ZNF592: variants seen among roughly 807,000 people sequenced by gnomAD.
ZNF592 encodes zinc finger protein 592.
A neutral mutation model predicts 80.3 loss-of-function variants in ZNF592; 11 were observed. That is an observed-to-expected ratio of 0.14 (90% confidence interval 0.09 to 0.23). ZNF592 has a LOEUF of 0.23. Ranked by LOEUF, ZNF592 falls within the 10% of genes least tolerant of loss-of-function variation. ZNF592 has a pLI of 1.00. For synonymous variants in ZNF592, 646 were observed against 640.3 expected (o/e 1.01, Z -0.13); for missense variants, 1,420 against 1,633.9 (o/e 0.87, Z 2.26).
rs547907211 is a variant in ZNF592 at position 84,806,137 on chromosome 15, A to G, written c.*3744A>G. 37 of 152,654 alleles carry G rather than the reference A, an allele frequency of 2.4e-4. No homozygotes were observed. The highest frequency in any genetic ancestry group is 8.4e-4 in the African/African-American group (35 of 41,572). 9.5% of individuals were successfully genotyped at this position (152,654 alleles called of 1,614,324 possible). A position where few individuals can be genotyped will look rare whatever the true frequency, so the allele number is the denominator to read the frequency against. On this transcript the variant is annotated 3_prime_UTR_variant, in exon 11 of 11. Coordinates refer to ENST00000560079, the MANE Select transcript of ZNF592 (RefSeq NM_014630.3). Reference sequence around the variant, plus strand: ...CTGCATGAATGAATGAATCTGATTCAATTGGTAGCTACAGCTGTTCTCTCA... The same window carrying G: ...CTGCATGAATGAATGAATCTGATTCGATTGGTAGCTACAGCTGTTCTCTCA...
At chr15:84,767,198 T>A (rs1485973737) in intron 2 of ZNF592, among the ~76,000 whole-genome samples, 1 of 152,104 alleles carries the variant, frequency 6.6e-6, no homozygotes, top group Non-Finnish European at 1.5e-5. Context: ...TGTATTTTTG[T>A]AGAGATTTTT....
intron 1 of ZNF592, among the ~76,000 whole-genome samples, chr15:84,749,830 T>G (rs1225759886): frequency 6.6e-6 from 1 of 152,236 alleles, no homozygotes; most frequent in Non-Finnish European, 1.5e-5. Context: ...AGAAGTGTGG[T>G]GCTAGTGCGT....
intron 5 of ZNF592, among the ~76,000 whole-genome samples, chr15:84,797,006 C>T (rs1327173672): frequency 6.6e-6 from 1 of 152,186 alleles, no homozygotes; most frequent in Non-Finnish European, 1.5e-5. Flanking sequence ...CTCTGTCACC[C>T]AGGCTGGAAT....
chr15:84,798,664 C>G lies in ZNF592; in HGVS notation c.2813C>G (p.Pro938Arg), dbSNP rs746423823. Reference protein sequence around the residue: ...QSSADTSSSRPGSRVPTEPPA... With the variant: ...QSSADTSSSRRGSRVPTEPPA... ...TCAGCGGACACATCCTCAAGCCGCC[C>G]TGGCTCTCGAGTTCCCACTGAGCCA... The change falls in exon 8 of 11, where the codon CCT becomes CGT. Residue 938 changes from proline to arginine, a missense_variant. Physicochemically the swap from Pro to Arg is moderately radical, Grantham distance 103. This residue lies in a region of ZNF592 where 331 missense variants were observed against 347.0 expected (regional missense o/e 0.95). Transcript: ENST00000560079. This position sits in a 1 kb window ranked among gnomAD's most constrained non-coding sequence, Gnocchi z 4.5. 6.2e-7 allele frequency: 1 copy of G among 1,613,904 alleles called. No homozygotes were observed. The highest frequency in any genetic ancestry group is 8.5e-7 in the Non-Finnish European group (1 of 1,180,040).
Position 84,798,156 on chromosome 15 carries a change from G to A in ZNF592, c.2576+111G>A. On this transcript the variant is annotated intron_variant, in intron 6 of 10. Transcript: ENST00000560079. This position sits in a 1 kb window ranked among gnomAD's most constrained non-coding sequence, Gnocchi z 4.5. Reference sequence around the variant, plus strand: ...GGGAGCTGGGGTTAGTGGCAGAGGTGCCTGGGGTCGTACTAAGGATGTCCT... The same window carrying A: ...GGGAGCTGGGGTTAGTGGCAGAGGTACCTGGGGTCGTACTAAGGATGTCCT... 6.4e-7 allele frequency: 1 copy of A among 1,564,274 alleles called. No individual in the cohort carries two copies. The highest frequency in any genetic ancestry group is 8.7e-7 in the Non-Finnish European group (1 of 1,148,338).
In ZNF592 at chr15:84,796,841, A is replaced by G. The variant is rs1962934067; in HGVS notation, c.2400-1028A>G. Among the ~76,000 whole-genome samples the G allele has an allele frequency of 2.0e-5, 3 of 152,204 alleles. 1 individual carries two copies. The highest frequency in any genetic ancestry group is 2.0e-4 in the Admixed American group (3 of 15,282). Reference sequence around the variant, plus strand: ...GCTGCATGGTCCAGTAGAGTATAGTATAGTACCAGCCATTTGTGGCTACCG... The same window carrying G: ...GCTGCATGGTCCAGTAGAGTATAGTGTAGTACCAGCCATTTGTGGCTACCG... On this transcript the variant is annotated intron_variant, in intron 5 of 10. Transcript: ENST00000560079.
rs997659116 is a variant in ZNF592 at position 84,784,687 on chromosome 15, C to T, written c.2012C>T (p.Ala671Val). ...GTGTCGGCCCCTGTGAACTCCACGG[C>T]ACCAGCAGCCCCAGCCCCTTCATCC... ...MFVSAPVNST[A>V]PAAPAPSSSP... Residue 671 changes from alanine to valine, a missense_variant, in exon 4 of 11, where the codon GCA becomes GTA. Ala to Val is a moderately conservative substitution (Grantham distance 64, BLOSUM62 0). Coordinates refer to ENST00000560079, the MANE Select transcript of ZNF592 (RefSeq NM_014630.3). This position sits in a 1 kb window ranked among gnomAD's most constrained non-coding sequence, Gnocchi z 5.8. 9.3e-6 allele frequency: 15 copies of T among 1,613,988 alleles called. No individual in the cohort carries two copies. The Admixed American group carries it at 2.5e-4, about 27-fold the overall frequency.
chr15:84,784,729 T>C lies in ZNF592; in HGVS notation c.2054T>C (p.Leu685Pro). 1 of 1,614,088 alleles carries C rather than the reference T, an allele frequency of 6.2e-7. No individual in the cohort carries two copies. The highest frequency in any genetic ancestry group is 8.5e-7 in the Non-Finnish European group (1 of 1,180,010). Residue 685 changes from leucine to proline, a missense_variant, in exon 4 of 11, where the codon CTC (leucine) becomes CCC (proline). Coordinates refer to ENST00000560079, the MANE Select transcript of ZNF592 (RefSeq NM_014630.3). This position sits in a 1 kb window ranked among gnomAD's most constrained non-coding sequence, Gnocchi z 5.8. ...PAPSSSPKHG[L>P]TSGSASPPPP... ...CCTTCATCCTCTCCCAAACATGGCC[T>C]CACTTCGGGCAGTGCCAGTCCCCCT... is the stretch of plus-strand genomic sequence containing the variant.
chr15:84,794,173 T>C (rs990360545), intron 5 of ZNF592, among the ~76,000 whole-genome samples: 4 of 150,972 alleles, frequency 2.6e-5, no homozygotes, highest in African/African-American at 9.9e-5. Context: ...CAAACCACCA[T>C]GGCACGTGTA....
At chr15:84,757,591 C>T (rs774263342) in intron 1 of ZNF592, among the ~76,000 whole-genome samples, 8 of 151,836 alleles carry the variant, frequency 5.3e-5, no homozygotes, top group African/African-American at 1.2e-4. Context: ...TGGCTTGAAG[C>T]GATCCTTCCA....
intron 1 of ZNF592, 76 bp from the exon 2 acceptor site, chr15:84,764,631 T>G (rs1899447154): frequency 2.5e-6 from 1 of 396,430 alleles, no homozygotes; most frequent in South Asian, 1.4e-4. Flanking sequence ...ATTAGTTTTT[T>G]TAAACTATCT....
chr15:84,765,611 T>C lies in ZNF592; in HGVS notation c.-150+796T>C, dbSNP rs549976713. On this transcript the variant is annotated intron_variant, in intron 2 of 10. Transcript: ENST00000560079. The stretch of plus-strand genomic sequence containing the variant: ...TGGAGTGCAGTGATGTGATCTTGGC[T>C]CACTGAAACCTCCACCTCCCGGGTT... Among the ~76,000 whole-genome samples, 5 of 143,684 alleles carry C rather than the reference T, an allele frequency of 3.5e-5. No homozygotes were observed. In the East Asian group the frequency reaches 1.1e-3, roughly 32 times the overall value. The allele number at this position is 143,684 out of a possible 152,430, so 94.3% of individuals were successfully genotyped here. A position where few individuals can be genotyped will look rare whatever the true frequency, so the allele number is the denominator to read the frequency against.
At chr15:84,793,199 C>T in intron 5 of ZNF592, among the ~76,000 whole-genome samples, 1 of 152,064 alleles carries the variant, frequency 6.6e-6, no homozygotes, top group South Asian at 2.1e-4. Context: ...GCCTCAGCTT[C>T]CTGAGTAGCT....
chr15:84,761,191 C>T (rs1031506491), intron 1 of ZNF592, among the ~76,000 whole-genome samples: 30 of 152,240 alleles, frequency 2.0e-4, no homozygotes, highest in Admixed American at 2.0e-3. Context: ...GTCTCAAACT[C>T]CTGACCTCAG....
rs905416073 is a variant in ZNF592 at position 84,748,676 on chromosome 15, C to G, written c.-259+12C>G. ...GCCGCCGCCGCCAGGTAAGCGCCCC[C>G]CGCGGGCCGGGCCGAGCGGGGCCTG... On this transcript the variant is annotated intron_variant, in intron 1 of 10. Transcript: ENST00000560079. 1.3e-5 allele frequency: 2 copies of G among 148,256 alleles called. No individual in the cohort carries two copies. Among genetic ancestry groups the G allele is most frequent in the Non-Finnish European group, 3.0e-5 (2 of 66,340 alleles). The allele number at this position is 148,256 out of a possible 1,614,324, so 9.2% of individuals were successfully genotyped here.
In ZNF592 at chr15:84,790,685, T is replaced by C; in HGVS notation, c.2221-20T>C. On this transcript the variant is annotated intron_variant, in intron 4 of 10. Transcript: ENST00000560079. ...GCCTATGGCCCCTGCATGATCTGCT[T>C]TCTTGGTGTTCTTTCCTAGACCTGC... is the stretch of plus-strand genomic sequence containing the variant. The C allele has an allele frequency of 6.2e-7, 1 of 1,614,052 alleles. No individual in the cohort carries two copies. The highest frequency in any genetic ancestry group is 8.5e-7 in the Non-Finnish European group (1 of 1,179,938).
intron 10 of ZNF592, among the ~76,000 whole-genome samples, chr15:84,800,350 G>A (rs985098179): frequency 5.9e-5 from 9 of 152,106 alleles, no homozygotes; most frequent in African/African-American, 2.2e-4. Flanking sequence ...ATGATGTTTG[G>A]CCAACTCACC....
At position 84,804,749 on chromosome 15, in the gene ZNF592, T is replaced by G. The variant is rs186109593; in HGVS notation, c.*2356T>G. 6.6e-6 allele frequency: 1 copy of G among 152,352 alleles called. No homozygotes were observed. The highest frequency in any genetic ancestry group is 1.9e-4 in the East Asian group (1 of 5,194). The allele number at this position is 152,352 out of a possible 1,614,324, so 9.4% of individuals were successfully genotyped here. On this transcript the variant is annotated 3_prime_UTR_variant, in exon 11 of 11. Transcript: ENST00000560079. ...CTGCTGTTTGGACTTGGATGCTGAT[T>G]AGCAGTTATGAAGTGGCCCAGACAC...
At position 84,784,267 on chromosome 15, in the gene ZNF592, C is replaced by T; in HGVS notation, c.1592C>T (p.Pro531Leu). The change falls in exon 4 of 11, where the codon CCA becomes CTA. Residue 531 changes from proline (P) to leucine (L), a missense_variant. Physicochemically the swap from Pro to Leu is moderately conservative, Grantham distance 98 (BLOSUM62 -3). Transcript: ENST00000560079. This position sits in a 1 kb window ranked among gnomAD's most constrained non-coding sequence, Gnocchi z 5.8. ...TCTTCAGTGCAAAGACGGAGCCAGC[C>T]ACAGCTTACACAAATGTCGGTGCCC... ...AKSSVQRRSQ[P>L]QLTQMSVPLV... is the part of the protein sequence containing the mutation. 6.2e-7 allele frequency: 1 copy of T among 1,614,248 alleles called. No individual in the cohort carries two copies. The highest frequency in any genetic ancestry group is 8.5e-7 in the Non-Finnish European group (1 of 1,180,046).
Sources: allele counts gnomAD v4.1 joint callset (sites outside exome capture counted in the v4.1 genomes callset), GRCh38; gene constraint gnomAD v4.1.1; regional missense constraint gnomAD v4.1.1; non-coding constraint Gnocchi (gnomAD v3.1); transcripts MANE v1.5; gene names NCBI Gene and HGNC (gene_info 2026-07-23, HGNC 2026-07-21).